The following PHIP variants were observed in gnomAD, a reference collection of about 807,000 sequenced individuals.
PHIP encodes the protein PHIP subunit of CUL4-Ring ligase complex, also known as PH-interacting protein.
In PHIP, 54 loss-of-function variants were observed where a neutral mutation model predicts 236.8. The observed-to-expected ratio is 0.23, with a 90% confidence interval of 0.18 to 0.29. PHIP has a LOEUF of 0.29. PHIP is among the 10% of genes least tolerant of loss of function. PHIP has a pLI of 1.00. For synonymous variants in PHIP, 756 were observed against 718.9 expected (o/e 1.05, Z -0.83); for missense variants, 1,370 against 2,190.8 (o/e 0.63, Z 7.48).
At chr6:79,073,740 TG>T (rs1398344755) in intron 4 of PHIP, among the ~76,000 whole-genome samples, 3 of 152,152 alleles carry the variant, frequency 2.0e-5, no homozygotes, top group Non-Finnish European at 4.4e-5. Context: ...ACTTAAACTA[TG>T]ATGGAAATCA....
intron 12 of PHIP, among the ~76,000 whole-genome samples, chr6:79,017,020 C>A (rs945771043): frequency 2.0e-5 from 3 of 151,842 alleles, no homozygotes; most frequent in Admixed American, 6.6e-5. Context: ...ACAATATCAT[C>A]AATAAACAGG....
In PHIP at chr6:78,946,016, T is replaced by C. The variant is rs147788877; in HGVS notation, c.4615A>G (p.Ile1539Val). The change falls in exon 38 of 40, where the codon ATA becomes GTA. Residue 1539 changes from isoleucine (I) to valine (V), a missense_variant. Physicochemically the swap from Ile to Val is conservative, Grantham distance 29. Transcript: ENST00000275034. ...TFITKANASAIPGKTILENSV... is the reference protein window; with the variant it reads ...TFITKANASAVPGKTILENSV... ...TGAGTCTTACTTGTTTTCCCTGGTA[T>C]TGCAGATGCATTAGCTTTTGTAATA... The C allele has an allele frequency of 6.2e-7, 1 of 1,607,178 alleles. No homozygotes were observed. The highest frequency in any genetic ancestry group is 8.5e-7 in the Non-Finnish European group (1 of 1,173,798).
chr6:78,952,616 G>C (rs1308862593), intron 35 of PHIP, among the ~76,000 whole-genome samples: 1 of 151,722 alleles, frequency 6.6e-6, no homozygotes, highest in Non-Finnish European at 1.5e-5. Flanking sequence ...TTATCATTCT[G>C]TGTGGGATTC....
rs777227561 is a variant in PHIP, at chr6:78,941,295, T to C, written c.4864A>G (p.Ile1622Val). 2.1e-5 allele frequency: 34 copies of C among 1,613,606 alleles called. No individual in the cohort carries two copies. The highest frequency in any genetic ancestry group is 2.5e-5 in the Non-Finnish European group (30 of 1,179,622). The stretch of plus-strand genomic sequence containing the variant: ...TGTCCTCCATGGCCATTTACTTGAA[T>C]GGTTCCTGGTACAAGAGCGTTGTTC... Reference protein sequence around the residue: ...CKNNALVPGTIQVNGHGGQPS... With the variant: ...CKNNALVPGTVQVNGHGGQPS... The change falls in exon 40 of 40, where the codon ATT becomes GTT. Residue 1622 changes from isoleucine (I) to valine (V), a missense_variant. This residue lies in a region of PHIP where 309 missense variants were observed against 328.3 expected (regional missense o/e 0.94). Coordinates refer to ENST00000275034, the MANE Select transcript of PHIP (RefSeq NM_017934.7).
At chr6:79,016,520 A>G (rs190943069) in intron 13 of PHIP, 24 bp downstream of exon 13, 2 of 1,433,460 alleles carry the variant, frequency 1.4e-6, no homozygotes, top group East Asian at 2.3e-5. Flanking sequence ...ATATATACAT[A>G]ATATTTCAAA....
chr6:79,022,531 A>G (rs895454342), intron 9 of PHIP, among the ~76,000 whole-genome samples: 1 of 152,124 alleles, frequency 6.6e-6, no homozygotes, highest in Non-Finnish European at 1.5e-5. Flanking sequence ...TACCTTTCTC[A>G]AAGGGTTGTT....
At position 78,991,002 on chromosome 6, in the gene PHIP, A is replaced by C; in HGVS notation, c.2202-17T>G. ...TCTTGCCTACTGAAAGACAAAAGCC[A>C]TATGCATTAATCTAGAATTTTACAC... On this transcript the variant is annotated splice_polypyrimidine_tract_variant and intron_variant, in intron 19 of 39. Transcript: ENST00000275034. The C allele has an allele frequency of 6.9e-7, 1 of 1,447,948 alleles. No homozygotes were observed. Among genetic ancestry groups the C allele is most frequent in the South Asian group, 1.2e-5 (1 of 85,090 alleles). 89.7% of individuals were successfully genotyped at this position (1,447,948 alleles called of 1,614,324 possible).
intron 6 of PHIP, among the ~76,000 whole-genome samples, chr6:79,048,243 GAAC>G (rs1319534610): frequency 6.6e-6 from 1 of 151,870 alleles, no homozygotes; most frequent in Non-Finnish European, 1.5e-5. Context: ...TTTCTATCTA[GAAC>G]ATGGTGCTTT....
At chr6:78,953,512 C>G (rs746983501) in intron 35 of PHIP, among the ~76,000 whole-genome samples, 4 of 152,116 alleles carry the variant, frequency 2.6e-5, no homozygotes, top group Non-Finnish European at 5.9e-5. Flanking sequence ...TGTGAAAACA[C>G]AGAGAGAAAT....
chr6:79,052,168 G>A (rs183940810), intron 6 of PHIP, among the ~76,000 whole-genome samples: 37 of 152,276 alleles, frequency 2.4e-4, no homozygotes, highest in African/African-American at 7.7e-4. Context: ...TTCTAAACAC[G>A]TTGGGGCTGA....
chr6:79,049,269 TCAGGCTGGTCTC>T (rs1772668013), intron 6 of PHIP, among the ~76,000 whole-genome samples: 1 of 151,990 alleles, frequency 6.6e-6, no homozygotes, highest in African/African-American at 2.4e-5. Flanking sequence ...ACCATGTTGG[TCAGGCTGGTCTC>T]GAACTCCCAG....
chr6:79,016,901 A>C (rs1770855565), intron 12 of PHIP, among the ~76,000 whole-genome samples: 1 of 152,034 alleles, frequency 6.6e-6, no homozygotes, highest in African/African-American at 2.4e-5. Flanking sequence ...ACATTTTCCA[A>C]GGAAAAAACA....
At chr6:78,954,101 A>AT (rs1766242602) in intron 35 of PHIP, among the ~76,000 whole-genome samples, 1 of 151,940 alleles carries the variant, frequency 6.6e-6, no homozygotes, top group Non-Finnish European at 1.5e-5. Context: ...ATTTAAAACT[A>AT]TTTTTTGTTT....
At chr6:79,003,351 T>C (rs1770112273) in intron 16 of PHIP, among the ~76,000 whole-genome samples, 1 of 152,032 alleles carries the variant, frequency 6.6e-6, no homozygotes, top group African/African-American at 2.4e-5. Context: ...AGCCACAGAT[T>C]TGTACCCTAG....
Position 78,988,301 on chromosome 6 carries a change from G to A in PHIP, c.2368C>T (p.Gln790Ter), listed in dbSNP as rs1582175173. The change falls in exon 21 of 40, where the codon CAG (glutamine) becomes TAG (stop). Residue 790 changes from glutamine to a stop codon, truncating the protein, a stop_gained. Coordinates refer to ENST00000275034, the MANE Select transcript of PHIP (RefSeq NM_017934.7). LOFTEE classifies it high-confidence loss of function. ...GTACGATAATTGTGTTGATTTGTCT[G>A]TTGCTTTTTGGATTCTCCAAGATCC... Reference protein sequence around the residue: ...FLDLGESKKQQTNQHNYRTRS... With the variant: ...FLDLGESKKQ 6.2e-7 allele frequency: 1 copy of A among 1,606,224 alleles called. No individual in the cohort carries two copies. Among genetic ancestry groups the A allele is most frequent in the African/African-American group, 1.3e-5 (1 of 74,688 alleles).
At position 79,078,149 on chromosome 6, in the gene PHIP, A is replaced by G; in HGVS notation, c.-81T>C. The G allele has an allele frequency of 1.4e-6, 2 of 1,412,418 alleles. No individual in the cohort carries two copies. The highest frequency in any genetic ancestry group is 1.8e-5 in the Admixed American group (1 of 54,562). 87.5% of individuals were successfully genotyped at this position (1,412,418 alleles called of 1,614,324 possible). A position where few individuals can be genotyped will look rare whatever the true frequency, so the allele number is the denominator to read the frequency against. ...GGGACGGTGCCGCCGCCTGCCCTAT[A>G]GCTGTCAGTGTGTGTTCACGAGCCG... On this transcript the variant is annotated 5_prime_UTR_variant, in exon 1 of 40. Transcript: ENST00000275034.
At chr6:78,944,502 G>C (rs1028532434) in intron 39 of PHIP, among the ~76,000 whole-genome samples, 1 of 152,142 alleles carries the variant, frequency 6.6e-6, no homozygotes, top group African/African-American at 2.4e-5. Context: ...ATGGAGGTGA[G>C]AATGGAGAGG....
chr6:78,989,370 T>C (rs1267122354), intron 20 of PHIP, among the ~76,000 whole-genome samples: 5 of 152,216 alleles, frequency 3.3e-5, no homozygotes, highest in Non-Finnish European at 5.9e-5. Flanking sequence ...TGCAGTCAGC[T>C]AGGACTGTCC....
At chr6:79,063,179 C>T (rs1773463987) in intron 4 of PHIP, among the ~76,000 whole-genome samples, 1 of 152,128 alleles carries the variant, frequency 6.6e-6, no homozygotes, top group African/African-American at 2.4e-5. Context: ...CTGTGTCCTG[C>T]ATAAGGAGAG....
Sources: gnomAD v4.1 joint callset for allele counts (sites outside exome capture counted in the v4.1 genomes callset) on GRCh38, gnomAD v4.1.1 for gene constraint, gnomAD v4.1.1 regional missense constraint, MANE v1.5 for transcripts, NCBI Gene and HGNC (gene_info 2026-07-23, HGNC 2026-07-21) for gene names.